CCDC158: variants seen among roughly 807,000 people sequenced by gnomAD.
CCDC158 encodes the protein coiled-coil domain-containing protein 158.
In CCDC158, 116 loss-of-function variants were observed where a neutral mutation model predicts 138.6. That is an observed-to-expected ratio of 0.84 (90% CI 0.72 to 0.98). CCDC158 has a LOEUF of 0.98. Ranked by LOEUF, CCDC158 falls within the 50% of genes least tolerant of loss-of-function variation. The pLI is 0.00. For missense variants in CCDC158, 1,265 were observed against 1,306.1 expected, an observed-to-expected ratio of 0.97 and a Z score of 0.48; for synonymous variants, 436 against 442.4, an observed-to-expected ratio of 0.99 and a Z score of 0.18.
At chr4:76,335,437 T>C (rs1026017343) in intron 18 of CCDC158, among the ~76,000 whole-genome samples, 1 of 152,194 alleles carries the variant, frequency 6.6e-6, no homozygotes, top group African/African-American at 2.4e-5. Context: ...GCAATTATTG[T>C]TAAAATTTTT....
At chr4:76,340,294 C>T (rs1441910402) in intron 18 of CCDC158, among the ~76,000 whole-genome samples, 1 of 152,222 alleles carries the variant, frequency 6.6e-6, no homozygotes, top group African/African-American at 2.4e-5. Context: ...GATCACCTAT[C>T]TCAGCTTTCA....
intron 18 of CCDC158, among the ~76,000 whole-genome samples, chr4:76,342,184 C>A (rs1253155069): frequency 2.0e-5 from 3 of 152,050 alleles, no homozygotes; most frequent in Non-Finnish European, 2.9e-5. Context: ...GGACTACAAG[C>A]AAATGCCAAC....
intron 18 of CCDC158, among the ~76,000 whole-genome samples, chr4:76,348,375 T>TGGTG (rs1560405672): frequency 7.4e-6 from 1 of 135,180 alleles, no homozygotes; most frequent in African/African-American, 2.8e-5. Flanking sequence ...GCGGAGCTTG[T>TGGTG]GGTGAGCTGA....
In CCDC158 at chr4:76,384,628, C is replaced by T. The variant is rs564776494; in HGVS notation, c.326G>A (p.Arg109Lys). ...ELHEKQKFYL[R>K]QSVIDLQTKL... The stretch of plus-strand genomic sequence containing the variant: ...TGTTTGCAAATCAATGACTGACTGC[C>T]TCAAATAAAACTTTTGTTTCTCATG... The change falls in exon 5 of 25, where the codon AGG becomes AAG. Residue 109 changes from arginine to lysine, a missense_variant. Transcript: ENST00000682701. 194 of 1,613,486 alleles carry T rather than the reference C, an allele frequency of 1.2e-4. 1 individual carries two copies. The South Asian group carries it at 2.1e-3, about 17-fold the overall frequency.
At chr4:76,325,168 G>A (rs955429293) in intron 23 of CCDC158, among the ~76,000 whole-genome samples, 1 of 152,224 alleles carries the variant, frequency 6.6e-6, no homozygotes, top group Admixed American at 6.5e-5. Context: ...ACTAACATGT[G>A]ATTAGGTATT....
At chr4:76,314,248 AT>A (rs1719161580) in intron 24 of CCDC158, among the ~76,000 whole-genome samples, 1 of 152,228 alleles carries the variant, frequency 6.6e-6, no homozygotes, top group Non-Finnish European at 1.5e-5. Context: ...GTGGATTATT[AT>A]TTGGTGGCAT....
chr4:76,372,670 AATTT>A (rs1280115460), intron 9 of CCDC158, among the ~76,000 whole-genome samples: 5 of 152,194 alleles, frequency 3.3e-5, no homozygotes, highest in African/African-American at 9.7e-5. Context: ...ACAGTAGGAC[AATTT>A]ATTTAACCAT....
At chr4:76,362,387 G>T in intron 12 of CCDC158, 72 bp from the exon 13 acceptor site, 1 of 1,096,596 alleles carries the variant, frequency 9.1e-7, no homozygotes, top group Non-Finnish European at 1.3e-6. Context: ...ATTGATAGCT[G>T]CTAACACAGT....
intron 12 of CCDC158, among the ~76,000 whole-genome samples, chr4:76,365,438 T>C (rs1158057007): frequency 6.6e-6 from 1 of 152,126 alleles, no homozygotes; most frequent in Non-Finnish European, 1.5e-5. Context: ...GAAAATTAGT[T>C]TTACTCTCTC....
intron 2 of CCDC158, among the ~76,000 whole-genome samples, chr4:76,408,578 G>A (rs982487473): frequency 5.9e-5 from 9 of 152,216 alleles, no homozygotes; most frequent in East Asian, 1.9e-4. Context: ...TCTTAATCCA[G>A]TCTATCATTG....
At chr4:76,395,343 T>G (rs1265094980) in intron 4 of CCDC158, among the ~76,000 whole-genome samples, 1 of 152,166 alleles carries the variant, frequency 6.6e-6, no homozygotes, top group Non-Finnish European at 1.5e-5. Context: ...TTAATAAAAT[T>G]GTAGATTTTT....
rs141145504 is a variant in CCDC158, at chr4:76,417,111, T to A, written c.-117+3854A>T. ...AGACCATGGGAACCCATCTCTCGCA[T>A]CAGCGTGACCTTGATGTGAGACATG... On this transcript the variant is annotated intron_variant, in intron 1 of 24. Transcript: ENST00000682701. Among the ~76,000 whole-genome samples, 266 of 152,328 alleles carry A rather than the reference T, an allele frequency of 1.7e-3. 2 individuals carry two copies. Among genetic ancestry groups the A allele is most frequent in the African/African-American group, 6.1e-3 (253 of 41,572 alleles).
intron 16 of CCDC158, 147 bp downstream of exon 16, chr4:76,352,976 A>G (rs1723193105): frequency 3.3e-6 from 2 of 608,216 alleles, no homozygotes; most frequent in African/African-American, 1.9e-5. Flanking sequence ...CTAATAGGAT[A>G]GGGTTTTCCT....
chr4:76,398,153 A>G (rs1727997674), intron 3 of CCDC158, among the ~76,000 whole-genome samples: 1 of 152,242 alleles, frequency 6.6e-6, no homozygotes. Context: ...ATGTCAGCTA[A>G]TAACTATGAT....
intron 1 of CCDC158, among the ~76,000 whole-genome samples, chr4:76,419,499 G>C (rs1729946157): frequency 6.6e-6 from 1 of 152,296 alleles, no homozygotes; most frequent in South Asian, 2.1e-4. Context: ...GGGGAAGAAA[G>C]CATGGTGTTG....
At position 76,346,877 on chromosome 4, in the gene CCDC158, A is replaced by C. The variant is rs1484724373; in HGVS notation, c.2664+4119T>G. Among the ~76,000 whole-genome samples the C allele has an allele frequency of 4.6e-5, 7 of 152,220 alleles. No individual in the cohort carries two copies. In the East Asian group the frequency reaches 1.3e-3, roughly 29 times the overall value. On this transcript the variant is annotated intron_variant, in intron 18 of 24. Transcript: ENST00000682701. The stretch of plus-strand genomic sequence containing the variant: ...ATCAAAAAGTGGGTGAAGGATATGA[A>C]CAGACACTTCTCAGAAGAAGATATT...
Position 76,325,880 on chromosome 4 carries a change from A to G in CCDC158, c.3146T>C (p.Ile1049Thr). Residue 1049 changes from isoleucine (I) to threonine (T), a missense_variant, in exon 23 of 25, where the codon ATT (isoleucine) becomes ACT (threonine). Coordinates refer to ENST00000682701, the MANE Select transcript of CCDC158 (RefSeq NM_001394954.1). ...ACCTTTAACAGAATCAGATGAATGA[A>G]TAGGTTTGGCAGATCTATACTGTGA... is the stretch of plus-strand genomic sequence containing the variant. ...STSQYRSAKP[I>T]HSSDSVKDSQ... 2 of 1,610,626 alleles carry G rather than the reference A, an allele frequency of 1.2e-6. No homozygotes were observed. Among genetic ancestry groups the G allele is most frequent in the Non-Finnish European group, 1.7e-6 (2 of 1,178,906 alleles).
At chr4:76,315,277 C>G (rs1053445348) in intron 24 of CCDC158, among the ~76,000 whole-genome samples, 1 of 152,208 alleles carries the variant, frequency 6.6e-6, no homozygotes, top group African/African-American at 2.4e-5. Context: ...CAAGGAGAGT[C>G]TGAGCTCAGA....
chr4:76,386,589 T>C (rs541423515), intron 4 of CCDC158, among the ~76,000 whole-genome samples: 2 of 152,278 alleles, frequency 1.3e-5, no homozygotes, highest in Admixed American at 6.5e-5. Context: ...TTTGTTTGTG[T>C]GTTTTGTCCA....
Sources: allele counts gnomAD v4.1 joint callset (sites outside exome capture counted in the v4.1 genomes callset), GRCh38; gene constraint gnomAD v4.1.1; transcripts MANE v1.5; gene names NCBI Gene and HGNC (gene_info 2026-07-23, HGNC 2026-07-21).